The following LINGO2 variants were observed in gnomAD, a reference collection of about 807,000 sequenced individuals.
LINGO2 encodes the protein leucine rich repeat and Ig domain containing 2.
Under a neutral mutation model 30.6 loss-of-function variants are expected in LINGO2, and 14 were observed. The observed-to-expected ratio is 0.46, with a 90% CI of 0.30 to 0.72. LINGO2 has a LOEUF of 0.72. Ranked by LOEUF, LINGO2 falls within the 30% of genes least tolerant of loss-of-function variation. The pLI is 0.07. For synonymous variants in LINGO2, 317 were observed against 288.5 expected (o/e 1.10, Z -1.00); for missense variants, 729 against 751.7 (o/e 0.97, Z 0.35).
At chr9:28,062,411 C>T (rs1055058661) in intron 4 of LINGO2, among the ~76,000 whole-genome samples, 2 of 144,968 alleles carry the variant, frequency 1.4e-5, no homozygotes, top group Non-Finnish European at 3.0e-5. Flanking sequence ...CACATATATA[C>T]TATATATGTG....
chr9:28,062,574 C>T (rs1369239639), intron 4 of LINGO2, among the ~76,000 whole-genome samples: 7 of 141,568 alleles, frequency 4.9e-5, no homozygotes, highest in Non-Finnish European at 6.0e-5. Context: ...AGTATATATA[C>T]ACAATCAAAT....
intron 1 of LINGO2, among the ~76,000 whole-genome samples, chr9:28,640,290 T>C (rs939400905): frequency 2.0e-5 from 3 of 152,028 alleles, no homozygotes; most frequent in Admixed American, 2.0e-4. Context: ...AATCTGACAA[T>C]TATGTGTCTT....
intron 1 of LINGO2, among the ~76,000 whole-genome samples, chr9:28,495,508 T>C (rs1238896070): frequency 6.6e-6 from 1 of 152,160 alleles, no homozygotes; most frequent in East Asian, 1.9e-4. Flanking sequence ...GTCAGGTTTG[T>C]CAAAGATCAG....
intron 4 of LINGO2, among the ~76,000 whole-genome samples, chr9:28,163,089 A>G: frequency 6.6e-6 from 1 of 152,118 alleles, no homozygotes; most frequent in East Asian, 1.9e-4. Context: ...AAAGCTAGAG[A>G]AGGTTATATT....
intron 4 of LINGO2, among the ~76,000 whole-genome samples, chr9:28,220,776 T>C (rs1426081994): frequency 6.6e-6 from 1 of 151,936 alleles, no homozygotes; most frequent in Non-Finnish European, 1.5e-5. Context: ...AAAATTGAGG[T>C]GTAGATGCCA....
chr9:28,825,416 T>C, the LINGO2 span, among the ~76,000 whole-genome samples: 4 of 151,852 alleles, frequency 2.6e-5, no homozygotes, highest in South Asian at 2.1e-4. Flanking sequence ...AGGAGTCGAA[T>C]TGCAGAGAGG....
At chr9:28,033,139 C>T (rs535578155) in intron 4 of LINGO2, among the ~76,000 whole-genome samples, 7 of 152,310 alleles carry the variant, frequency 4.6e-5, no homozygotes, top group Middle Eastern at 3.4e-3. Flanking sequence ...TTGTTAGTTG[C>T]GTATGTGAAT....
At chr9:28,285,427 A>G (rs186884964) in intron 4 of LINGO2, among the ~76,000 whole-genome samples, 911 of 86,588 alleles carry the variant, frequency 0.011, 5 homozygotes, top group Middle Eastern at 0.064. Context: ...TTTTTTTGAG[A>G]CTGAGTCTCA....
At chr9:29,089,070 T>A in the LINGO2 span, among the ~76,000 whole-genome samples, 1 of 151,992 alleles carries the variant, frequency 6.6e-6, no homozygotes, top group African/African-American at 2.4e-5. Flanking sequence ...AAAACTTAAT[T>A]CTCTTCATTT....
At chr9:28,294,173 T>C (rs531275893) in intron 4 of LINGO2, among the ~76,000 whole-genome samples, 1 of 152,206 alleles carries the variant, frequency 6.6e-6, no homozygotes, top group Non-Finnish European at 1.5e-5. Flanking sequence ...CTTTAAAAGA[T>C]TGTTTTCAAA....
the LINGO2 span, among the ~76,000 whole-genome samples, chr9:29,042,648 G>A: frequency 6.6e-6 from 1 of 151,548 alleles, no homozygotes; most frequent in East Asian, 1.9e-4. Flanking sequence ...GTTTTAATTG[G>A]CAAAAGAAAA....
chr9:29,190,113 ATCAACT>A, the LINGO2 span, among the ~76,000 whole-genome samples: 6 of 152,212 alleles, frequency 3.9e-5, no homozygotes, highest in South Asian at 1.2e-3. Context: ...CAGTTTCATT[ATCAACT>A]TCATACTTTA....
chr9:28,566,598 A>C (rs150634050), intron 1 of LINGO2, among the ~76,000 whole-genome samples: 1,700 of 152,248 alleles, frequency 0.011, 13 homozygotes, highest in South Asian at 0.027. Context: ...TTTAGGCCTA[A>C]AAATCTAAAT....
rs75222458 is a variant in LINGO2, at chr9:27,962,446, T to C, written c.-35-11740A>G. Among the ~76,000 whole-genome samples the C allele has an allele frequency of 9.2e-5, 14 of 152,192 alleles. No homozygotes were observed. In the East Asian group the frequency reaches 2.5e-3, roughly 27 times the overall value. On this transcript the variant is annotated intron_variant, in intron 5 of 5. Coordinates refer to ENST00000379992, the Ensembl canonical transcript of LINGO2. ...TAGAAAGGAGCTCAACTAAGGTGGATCAATTTCAGCTCCAAAGTGAAGGAC... is the reference window on the plus strand; with the variant it reads ...TAGAAAGGAGCTCAACTAAGGTGGACCAATTTCAGCTCCAAAGTGAAGGAC...
At chr9:28,994,898 C>T in the LINGO2 span, among the ~76,000 whole-genome samples, 1 of 152,102 alleles carries the variant, frequency 6.6e-6, no homozygotes, top group African/African-American at 2.4e-5. Context: ...AAACGTTAGA[C>T]CTAAAACCAT....
intron 2 of LINGO2, among the ~76,000 whole-genome samples, chr9:28,394,187 A>C (rs1241624442): frequency 6.6e-6 from 1 of 152,196 alleles, no homozygotes; most frequent in Non-Finnish European, 1.5e-5. Context: ...TACCAAAGCC[A>C]TATCAGGTAT....
chr9:28,582,595 A>G (rs61010016), intron 1 of LINGO2, among the ~76,000 whole-genome samples: 160 of 152,188 alleles, frequency 1.1e-3, no homozygotes, highest in African/African-American at 3.6e-3. Flanking sequence ...AAGAGCTTTA[A>G]TCCAGTGACC....
chr9:28,691,303 G>A, the LINGO2 span, among the ~76,000 whole-genome samples: 3 of 152,112 alleles, frequency 2.0e-5, no homozygotes, highest in Non-Finnish European at 4.4e-5. Context: ...TAAACCTACT[G>A]TACCAATTTC....
the LINGO2 span, among the ~76,000 whole-genome samples, chr9:28,693,171 G>A: frequency 6.6e-6 from 1 of 152,164 alleles, no homozygotes. Context: ...AAGCGTCAAC[G>A]TTGTGTTGAG....
Sources: allele counts gnomAD v4.1 joint callset (sites outside exome capture counted in the v4.1 genomes callset), GRCh38; gene constraint gnomAD v4.1.1; transcripts MANE v1.5; gene names NCBI Gene and HGNC (gene_info 2026-07-23, HGNC 2026-07-21).